The following MYRIP variants were observed in gnomAD, a reference collection of about 807,000 sequenced individuals.
The protein encoded by MYRIP is myosin VIIA and Rab interacting protein.
MYRIP carries 49 observed loss-of-function variants against 98.0 expected under a neutral mutation model. That is an observed-to-expected ratio of 0.50 (90% confidence interval 0.40 to 0.63). The LOEUF (loss-of-function observed/expected upper bound fraction) is 0.63, where lower values mean the gene tolerates loss of function less well. Among genes scored for constraint, MYRIP ranks in the 30% least tolerant of loss-of-function variants. The pLI, the probability that MYRIP is intolerant of heterozygous loss-of-function variation, is 0.00. For missense variants in MYRIP, 1,004 were observed against 1,058.2 expected (o/e 0.95, Z 0.71); for synonymous variants, 404 against 409.5 (o/e 0.99, Z 0.16).
At chr3:40,066,054 C>CGTG (rs1247036133) in intron 3 of MYRIP, among the ~76,000 whole-genome samples, 9 of 152,086 alleles carry the variant, frequency 5.9e-5, no homozygotes, top group Non-Finnish European at 1.3e-4. Context: ...GAAGAAGGAC[C>CGTG]CCACACCTTC....
intron 3 of MYRIP, among the ~76,000 whole-genome samples, chr3:40,045,634 A>C (rs548965851): frequency 2.2e-4 from 33 of 152,338 alleles, no homozygotes; most frequent in African/African-American, 7.5e-4. Flanking sequence ...TGAGAACAAG[A>C]CAGTTGGATG....
intron 4 of MYRIP, among the ~76,000 whole-genome samples, chr3:40,161,334 A>T (rs1950390691): frequency 6.6e-6 from 1 of 152,224 alleles, no homozygotes; most frequent in African/African-American, 2.4e-5. Context: ...ATGCAAAACC[A>T]GGGCTTGTCC....
At chr3:39,857,498 A>G (rs916611981) in intron 1 of MYRIP, among the ~76,000 whole-genome samples, 4 of 152,224 alleles carry the variant, frequency 2.6e-5, no homozygotes, top group African/African-American at 9.6e-5. Context: ...TCAATCAAGC[A>G]GAGGAAAGAA....
intron 4 of MYRIP, among the ~76,000 whole-genome samples, chr3:40,157,059 C>A (rs1402630830): frequency 2.0e-5 from 3 of 150,950 alleles, no homozygotes; most frequent in East Asian, 1.9e-4. Flanking sequence ...GAGAGGGCAT[C>A]CCTGTCTTGT....
At chr3:39,945,492 GAA>G (rs71618921) in intron 2 of MYRIP, among the ~76,000 whole-genome samples, 1 of 119,500 alleles carries the variant, frequency 8.4e-6, no homozygotes, top group Non-Finnish European at 1.7e-5. Context: ...AAAAAAAAAA[GAA>G]AAAAGAAAAA....
intron 8 of MYRIP, among the ~76,000 whole-genome samples, chr3:40,180,716 G>C (rs2125614765): frequency 6.6e-6 from 1 of 152,358 alleles, no homozygotes; most frequent in Middle Eastern, 3.4e-3. Context: ...ATAGGAGCAG[G>C]TTGTAACACT....
chr3:40,103,012 G>A (rs1401959640), intron 3 of MYRIP, among the ~76,000 whole-genome samples: 1 of 151,584 alleles, frequency 6.6e-6, no homozygotes, highest in African/African-American at 2.4e-5. Context: ...ACAAGCAGAA[G>A]ACTGAAAAGC....
At chr3:39,873,267 A>C (rs1469952208) in intron 1 of MYRIP, among the ~76,000 whole-genome samples, 1 of 151,326 alleles carries the variant, frequency 6.6e-6, no homozygotes, top group Non-Finnish European at 1.5e-5. Flanking sequence ...GGTTGTGAAA[A>C]TTTTCTCCCA....
intron 2 of MYRIP, among the ~76,000 whole-genome samples, chr3:39,943,807 G>A (rs1944842407): frequency 6.6e-6 from 1 of 152,170 alleles, no homozygotes; most frequent in African/African-American, 2.4e-5. Context: ...TTATGTTGCA[G>A]TTTGTATTTA....
intron 3 of MYRIP, among the ~76,000 whole-genome samples, chr3:40,061,128 T>C (rs1290062859): frequency 6.6e-6 from 1 of 152,200 alleles, no homozygotes; most frequent in African/African-American, 2.4e-5. Flanking sequence ...GAAGGTTTGT[T>C]ATACAGGTAA....
At chr3:40,071,183 C>T (rs1156938046) in intron 3 of MYRIP, 5 of 985,264 alleles carry the variant, frequency 5.1e-6, no homozygotes, top group East Asian at 2.3e-4. Context: ...TGTTCCCTAC[C>T]GTAATCTCCT....
chr3:40,067,499 G>C (rs1301620586), intron 3 of MYRIP, among the ~76,000 whole-genome samples: 1 of 152,224 alleles, frequency 6.6e-6, no homozygotes, highest in Non-Finnish European at 1.5e-5. Flanking sequence ...CGCAGGCCAA[G>C]AAGATCTGTT....
chr3:40,160,845 C>G (rs914198852), intron 4 of MYRIP, among the ~76,000 whole-genome samples: 3 of 152,172 alleles, frequency 2.0e-5, no homozygotes, highest in African/African-American at 4.8e-5. Flanking sequence ...GAGGCAATGC[C>G]TTGCCCTGCT....
At chr3:39,954,294 A>G (rs761291636) in intron 2 of MYRIP, among the ~76,000 whole-genome samples, 8 of 152,138 alleles carry the variant, frequency 5.3e-5, no homozygotes, top group Non-Finnish European at 1.0e-4. Flanking sequence ...ACAGCCAGGT[A>G]GGTGCCCCTC....
chr3:40,025,205 T>C (rs1325133898), intron 2 of MYRIP, among the ~76,000 whole-genome samples: 1 of 152,164 alleles, frequency 6.6e-6, no homozygotes, highest in Non-Finnish European at 1.5e-5. Flanking sequence ...GTGCTCCAAC[T>C]GTCCAGGTTC....
chr3:39,944,808 A>G (rs993786518), intron 2 of MYRIP, among the ~76,000 whole-genome samples: 26 of 152,120 alleles, frequency 1.7e-4, no homozygotes, highest in Admixed American at 1.3e-3. Context: ...TACAATCGCA[A>G]GAAGTATTGT....
intron 1 of MYRIP, among the ~76,000 whole-genome samples, chr3:39,838,659 C>T (rs942582691): frequency 2.0e-5 from 3 of 151,820 alleles, no homozygotes; most frequent in African/African-American, 7.3e-5. Flanking sequence ...GGGTTATTGG[C>T]CTGAAATTTT....
rs144697473 is a variant in MYRIP at position 40,192,315 on chromosome 3, T to TATATGACATATATATATATATATATGTC, written c.1665+1856_1665+1857insGACATATATATATATATATATGTCATAT. Among the ~76,000 whole-genome samples, 3 of 21,140 alleles carry TATATGACATATATATATATATATATGTC rather than the reference T, an allele frequency of 1.4e-4. 1 individual carries two copies. The highest frequency in any genetic ancestry group is 2.6e-4 in the African/African-American group (3 of 11,724). 13.9% of individuals were successfully genotyped at this position (21,140 alleles called of 152,430 possible). A position where few individuals can be genotyped will look rare whatever the true frequency, so the allele number is the denominator to read the frequency against. Reference sequence around the variant, plus strand: ...TGCGGCAGTTAGTTTTCTTCATATATATATATATATGTCATATATATATAT... The same window carrying TATATGACATATATATATATATATATGTC: ...TGCGGCAGTTAGTTTTCTTCATATATATATGACATATATATATATATATATGTCATATATATATGTCATATATATATAT... On this transcript the variant is annotated intron_variant, in intron 10 of 16. Transcript: ENST00000302541.
At chr3:40,065,599 G>A (rs1948111716) in intron 3 of MYRIP, among the ~76,000 whole-genome samples, 1 of 152,148 alleles carries the variant, frequency 6.6e-6, no homozygotes, top group Non-Finnish European at 1.5e-5. Flanking sequence ...TATAAACAAT[G>A]ACAAATACAC....
Sources: gnomAD v4.1 joint callset for allele counts (sites outside exome capture counted in the v4.1 genomes callset) on GRCh38, gnomAD v4.1.1 for gene constraint, MANE v1.5 for transcripts, NCBI Gene and HGNC (gene_info 2026-07-23, HGNC 2026-07-21) for gene names.